Variants in CLK3 observed in about 807,000 individuals in gnomAD.
CLK3 encodes the protein CDC like kinase 3.
In CLK3, 24 loss-of-function variants were observed where a neutral mutation model predicts 65.2. The observed-to-expected ratio is 0.37, with a 90% CI of 0.27 to 0.52. The LOEUF (loss-of-function observed/expected upper bound fraction) is 0.52, where lower values mean the gene tolerates loss of function less well. CLK3 is among the 20% of genes least tolerant of loss of function. The probability of loss-of-function intolerance (pLI) is 0.92; values close to 1 mark genes in which losing one functional copy is unlikely to be tolerated. For missense variants in CLK3, 506 were observed against 660.0 expected (o/e 0.77, Z 2.56); for synonymous variants, 252 against 240.8 (o/e 1.05, Z -0.43).
rs2062167429 is a variant in CLK3 at position 74,628,922 on chromosome 15, T to C, written c.1206-20T>C. The C allele has an allele frequency of 6.4e-7, 1 of 1,571,872 alleles. No homozygotes were observed. The highest frequency in any genetic ancestry group is 1.4e-5 in the African/African-American group (1 of 74,036). On this transcript the variant is annotated intron_variant, in intron 11 of 12. Coordinates refer to ENST00000395066, the MANE Select transcript of CLK3 (RefSeq NM_001130028.2). ...TCCCCTTACTACTCCCACACTTGACTCCACCCCCTTAATTTTCAGGAAGCA... is the reference window on the plus strand; with the variant it reads ...TCCCCTTACTACTCCCACACTTGACCCCACCCCCTTAATTTTCAGGAAGCA...
upstream of CLK3, chr15:74,615,759 C>G: frequency 1.6e-6 from 2 of 1,238,726 alleles, no homozygotes; most frequent in Non-Finnish European, 2.0e-6. Flanking sequence ...GCCAGGCCTC[C>G]GAGCCGGGTC....
chr15:74,620,614 C>T (rs993835737), intron 3 of CLK3: 4 of 274,034 alleles, frequency 1.5e-5, no homozygotes, highest in African/African-American at 6.5e-5. Flanking sequence ...CCTTCCCACC[C>T]AGAGACTGCC....
chr15:74,622,284 T>C lies in CLK3; in HGVS notation c.466+68T>C. 6.8e-7 allele frequency: 1 copy of C among 1,464,172 alleles called. No individual in the cohort carries two copies. The highest frequency in any genetic ancestry group is 1.4e-5 in the African/African-American group (1 of 72,186). 90.7% of individuals were successfully genotyped at this position (1,464,172 alleles called of 1,614,324 possible). ...CCCCCTTGTTAGACGAGACCTCTCC[T>C]GCCTGGAGGGGCCTCTAGTGCGCGT... On this transcript the variant is annotated intron_variant, in intron 4 of 12. Coordinates refer to ENST00000395066, the MANE Select transcript of CLK3 (RefSeq NM_001130028.2). This position sits in a 1 kb window ranked among gnomAD's most constrained non-coding sequence, Gnocchi z 4.6.
rs986745385 is a variant in CLK3, at chr15:74,620,247, C to T, written c.369+22C>T. On this transcript the variant is annotated intron_variant, in intron 3 of 12. Coordinates refer to ENST00000395066, the MANE Select transcript of CLK3 (RefSeq NM_001130028.2). ...CTCGGTGAGTGGTAGCCAGAGTGTG[C>T]TGGCTGGGGCTTAAAGGCCTCATCT... 4 of 1,612,592 alleles carry T rather than the reference C, an allele frequency of 2.5e-6. No homozygotes were observed. The African/African-American group carries it at 5.3e-5, about 22-fold the overall frequency.
Position 74,620,279 on chromosome 15 carries a change from A to G in CLK3, c.369+54A>G, listed in dbSNP as rs751007122. ...GGGCTTAAAGGCCTCATCTCTTCCT[A>G]GCCTTCTCTCAGGCTGGCTGGTCCG... On this transcript the variant is annotated intron_variant, in intron 3 of 12. Coordinates refer to ENST00000395066, the MANE Select transcript of CLK3 (RefSeq NM_001130028.2). 8 of 1,603,680 alleles carry G rather than the reference A, an allele frequency of 5.0e-6. No homozygotes were observed. In the South Asian group the frequency reaches 7.7e-5, roughly 16 times the overall value.
chr15:74,614,400 ACCT>A (rs2062028711), upstream of CLK3, among the ~76,000 whole-genome samples: 1 of 152,044 alleles, frequency 6.6e-6, no homozygotes, highest in African/African-American at 2.4e-5. Flanking sequence ...TGCAATCTCA[ACCT>A]CCTGGGATCA....
intron 1 of CLK3, among the ~76,000 whole-genome samples, chr15:74,618,334 C>T (rs1284622230): frequency 1.3e-5 from 2 of 152,162 alleles, no homozygotes; most frequent in Non-Finnish European, 2.9e-5. Flanking sequence ...CCTCACTGAA[C>T]AGGGATAGTG....
chr15:74,625,922 A>C lies in CLK3; in HGVS notation c.771A>C (p.Leu257=). The change falls in exon 7 of 13, where the codon CTA becomes CTC. Residue 257 remains leucine, a synonymous_variant. Transcript: ENST00000395066. ...AGAATAACTTCCAGCCTTACCCCCT[A>C]CCACATGTCCGGCACATGGCCTACC... is the stretch of plus-strand genomic sequence containing the variant. ...LKENNFQPYP[L]PHVRHMAYQL... 6.2e-7 allele frequency: 1 copy of C among 1,614,054 alleles called. No homozygotes were observed.
At chr15:74,614,207 T>C (rs762677873), upstream of CLK3, among the ~76,000 whole-genome samples, 124 of 152,144 alleles carry the variant, frequency 8.2e-4, 1 homozygote, top group Admixed American at 1.6e-3. Context: ...AGAGACGGGG[T>C]TTCGCCATGT....
chr15:74,629,983 A>G lies in CLK3; in HGVS notation c.*100A>G. ...CCAGGCCCCAGGCCAGAGCCACCCA[A>G]TGAACAGTGCAATGTGAAGGAAGGC... On this transcript the variant is annotated 3_prime_UTR_variant, in exon 13 of 13. Transcript: ENST00000395066. The G allele has an allele frequency of 8.5e-7, 1 of 1,170,730 alleles. No homozygotes were observed. Among genetic ancestry groups the G allele is most frequent in the Non-Finnish European group, 1.2e-6 (1 of 828,448 alleles). 72.5% of individuals were successfully genotyped at this position (1,170,730 alleles called of 1,614,324 possible).
rs1400321997 is a variant in CLK3, at chr15:74,625,952, C to G, written c.801C>G (p.Leu267=). ...ATGTCCGGCACATGGCCTACCAGCT[C>G]TGCCACGCCCTTAGATGTAAGTGTC... The part of the protein sequence containing the change: ...LPHVRHMAYQ[L]CHALRFLHEN... Residue 267 remains leucine (L), a synonymous_variant, in exon 7 of 13, where the codon CTC becomes CTG. Transcript: ENST00000395066. The G allele has an allele frequency of 6.2e-7, 1 of 1,614,030 alleles. No homozygotes were observed. The highest frequency in any genetic ancestry group is 1.3e-5 in the African/African-American group (1 of 74,942).
upstream of CLK3, chr15:74,615,476 A>G (rs2062045682): frequency 2.3e-6 from 3 of 1,316,138 alleles, no homozygotes; most frequent in South Asian, 4.2e-5. Flanking sequence ...CTCCGCGCGC[A>G]GGAGGGAGTT....
In CLK3 at chr15:74,629,629, C is replaced by T. The variant is rs539325602; in HGVS notation, c.1297-78C>T. ...GCCTCCTCGATCCAGTCCAGCAAGGCGTCCCAGAGGCAAGGGGACCTGCTG... is the reference window on the plus strand; with the variant it reads ...GCCTCCTCGATCCAGTCCAGCAAGGTGTCCCAGAGGCAAGGGGACCTGCTG... On this transcript the variant is annotated intron_variant, in intron 12 of 12. Coordinates refer to ENST00000395066, the MANE Select transcript of CLK3 (RefSeq NM_001130028.2). 1.4e-5 allele frequency: 18 copies of T among 1,288,934 alleles called. No individual in the cohort carries two copies. In the Middle Eastern group the frequency reaches 8.0e-4, roughly 57 times the overall value. 79.8% of individuals were successfully genotyped at this position (1,288,934 alleles called of 1,614,324 possible).
chr15:74,615,919 GCGGCGGCGA>G (rs977969249), intron 1 of CLK3, 21 bp downstream of exon 1: 6 of 1,243,612 alleles, frequency 4.8e-6, no homozygotes, highest in Non-Finnish European at 6.0e-6. Flanking sequence ...GCTGGGGTCC[GCGGCGGCGA>G]CAGCGGCGGC....
chr15:74,617,509 T>G (rs552312113), intron 1 of CLK3, among the ~76,000 whole-genome samples: 39 of 152,248 alleles, frequency 2.6e-4, no homozygotes, highest in Non-Finnish European at 5.0e-4. Flanking sequence ...ACGGTCAGAG[T>G]AGTGTAATAA....
At chr15:74,626,858 G>T (rs1343443817) in intron 7 of CLK3, 1 of 394,678 alleles carries the variant, frequency 2.5e-6, no homozygotes, top group Non-Finnish European at 5.1e-6. Context: ...TGAGAGGCGG[G>T]GCTGTCTTCC....
At chr15:74,618,943 A>G in intron 1 of CLK3, 2 of 429,226 alleles carry the variant, frequency 4.7e-6, no homozygotes, top group South Asian at 2.6e-5. Context: ...TTCCCTGAGC[A>G]CCCAGGCCAC....
At chr15:74,617,294 C>T (rs1238111399) in intron 1 of CLK3, among the ~76,000 whole-genome samples, 1 of 152,184 alleles carries the variant, frequency 6.6e-6, no homozygotes, top group African/African-American at 2.4e-5. Flanking sequence ...TCCCAGTTTC[C>T]TTGGAAGGGA....
At chr15:74,615,284 C>G, upstream of CLK3, 1 of 536,200 alleles carries the variant, frequency 1.9e-6, no homozygotes, top group Non-Finnish European at 2.8e-6. Context: ...AGAAACTGCC[C>G]CGCACGCACT....
Sources: gnomAD v4.1 joint callset for allele counts (sites outside exome capture counted in the v4.1 genomes callset) on GRCh38, gnomAD v4.1.1 for gene constraint, Gnocchi (gnomAD v3.1) non-coding constraint, MANE v1.5 for transcripts, NCBI Gene and HGNC (gene_info 2026-07-23, HGNC 2026-07-21) for gene names.